Variants in FGF13 observed in about 807,000 individuals in gnomAD.
The protein encoded by FGF13 is fibroblast growth factor homologous factor 2.
FGF13 carries 2 observed loss-of-function variants against 19.5 expected under a neutral mutation model. The observed-to-expected ratio is 0.10, with a 90% CI of 0.04 to 0.32. The LOEUF (loss-of-function observed/expected upper bound fraction) is 0.32. Ranked by LOEUF, FGF13 falls within the 10% of genes least tolerant of loss-of-function variation. The pLI is 1.00. For synonymous variants in FGF13, 72 were observed against 76.9 expected (o/e 0.94, Z 0.33); for missense variants, 113 against 192.7 (o/e 0.59, Z 2.45).
intron 1 of FGF13, among the ~76,000 whole-genome samples, chrX:139,068,879 C>T (rs1167292904): frequency 4.5e-5 from 5 of 111,094 alleles, no homozygotes; most frequent in African/African-American, 1.6e-4. Flanking sequence ...TCATCACTGG[C>T]CATCAGAGAA....
intron 3 of FGF13, among the ~76,000 whole-genome samples, chrX:138,751,032 A>C (rs2090394329): frequency 9.0e-6 from 1 of 111,007 alleles, no homozygotes; most frequent in Admixed American, 9.6e-5. Flanking sequence ...GGAAGGAAGA[A>C]GGGCCTCCTG....
intron 1 of FGF13, among the ~76,000 whole-genome samples, chrX:138,911,209 C>T (rs376266801): frequency 2.7e-5 from 3 of 111,633 alleles, no homozygotes; most frequent in Admixed American, 9.5e-5. Context: ...TTTGCCTGAG[C>T]GCACCTCCAG....
At chrX:139,119,435 G>A (rs1287345981) in intron 1 of FGF13, among the ~76,000 whole-genome samples, 2 of 111,850 alleles carry the variant, frequency 1.8e-5, no homozygotes, top group Non-Finnish European at 3.8e-5. Flanking sequence ...TCCCAAGGAC[G>A]TGCTATCATC....
At chrX:139,057,948 T>C (rs1423118662) in intron 1 of FGF13, among the ~76,000 whole-genome samples, 1 of 111,971 alleles carries the variant, frequency 8.9e-6, no homozygotes, top group Non-Finnish European at 1.9e-5. Context: ...TTTCTTTATA[T>C]GGGTGCTGAT....
At chrX:138,817,347 T>C (rs1355333763) in intron 3 of FGF13, among the ~76,000 whole-genome samples, 1 of 111,732 alleles carries the variant, frequency 8.9e-6, no homozygotes, top group Non-Finnish European at 1.9e-5. Context: ...TTCCTATAGA[T>C]TGATGTCCTC....
At chrX:139,012,100 A>AAAAAT (rs2092131418) in intron 1 of FGF13, among the ~76,000 whole-genome samples, 1 of 111,615 alleles carries the variant, frequency 9.0e-6, no homozygotes, top group South Asian at 3.7e-4. Flanking sequence ...AATAGCTGAA[A>AAAAAT]AAAATAAAAT....
intron 1 of FGF13, among the ~76,000 whole-genome samples, chrX:139,174,751 C>CTT (rs1436794344): frequency 2.2e-4 from 25 of 111,944 alleles, no homozygotes; most frequent in Middle Eastern, 4.6e-3. Flanking sequence ...TTCCATTGGT[C>CTT]TATAACTCTG....
At chrX:138,852,815 G>A (rs191001451), downstream of FGF13, among the ~76,000 whole-genome samples, 5 of 111,319 alleles carry the variant, frequency 4.5e-5, no homozygotes, top group African/African-American at 1.3e-4. Flanking sequence ...ATCTGGCAAA[G>A]GTCTAATATC....
rs962332528 is a variant in FGF13, at chrX:138,934,746, G to A, written c.-112-70096C>T. On this transcript the variant is annotated intron_variant, in intron 1 of 2. Transcript: ENST00000421460. ...AGTCCATCATAAATCCTATTCAATT[G>A]ATCCTCATCCTCATACAAATGTACC... Among the ~76,000 whole-genome samples the A allele has an allele frequency of 2.9e-4, 33 of 111,978 alleles. No homozygotes were observed. The Admixed American group carries it at 3.1e-3, about 11-fold the overall frequency.
chrX:139,190,892 G>T (rs10127049), intron 1 of FGF13, among the ~76,000 whole-genome samples: 35,916 of 110,989 alleles, frequency 0.32, 4,318 homozygotes, highest in African/African-American at 0.4. Context: ...GCTTGGTTTT[G>T]ATTTCTTTCT....
chrX:138,640,174 C>T (rs1055127489), intron 3 of FGF13, among the ~76,000 whole-genome samples: 7 of 111,280 alleles, frequency 6.3e-5, no homozygotes, highest in African/African-American at 2.3e-4. Flanking sequence ...TGAAATATCA[C>T]TGACAAGAAT....
intron 1 of FGF13, among the ~76,000 whole-genome samples, chrX:139,002,357 C>A (rs1005793165): frequency 9.0e-6 from 1 of 111,151 alleles, no homozygotes; most frequent in Non-Finnish European, 1.9e-5. Context: ...AAAAGATGAA[C>A]ACAAAAGCTT....
chrX:139,108,434 A>G (rs1412436894), intron 1 of FGF13, among the ~76,000 whole-genome samples: 1 of 111,511 alleles, frequency 9.0e-6, no homozygotes, highest in Non-Finnish European at 1.9e-5. Flanking sequence ...AAAACGTAAG[A>G]GACTCAGCTA....
chrX:139,094,793 C>CTGCTATGTGACACA (rs2083459957), intron 1 of FGF13, among the ~76,000 whole-genome samples: 1 of 112,215 alleles, frequency 8.9e-6, no homozygotes, highest in Admixed American at 9.4e-5. Flanking sequence ...TTGACTCCCA[C>CTGCTATGTGACACA]TCTGCTATGT....
At chrX:139,027,311 C>T (rs759493772) in intron 1 of FGF13, among the ~76,000 whole-genome samples, 1 of 112,357 alleles carries the variant, frequency 8.9e-6, no homozygotes, top group African/African-American at 3.2e-5. Context: ...TAATGCATAA[C>T]CTTTTTTCCA....
intron 1 of FGF13, among the ~76,000 whole-genome samples, chrX:138,927,735 G>A (rs748347911): frequency 1.8e-5 from 2 of 111,724 alleles, no homozygotes; most frequent in East Asian, 2.8e-4. Flanking sequence ...ATGGAGAAGC[G>A]TTCCACCTAC....
intron 1 of FGF13, among the ~76,000 whole-genome samples, chrX:139,096,202 T>C (rs2083469001): frequency 1.8e-5 from 2 of 111,688 alleles, no homozygotes; most frequent in Admixed American, 9.5e-5. Context: ...AAGCAACTCA[T>C]TAAAATAAAA....
chrX:139,096,812 A>AT (rs768085575), intron 1 of FGF13, among the ~76,000 whole-genome samples: 1 of 112,094 alleles, frequency 8.9e-6, no homozygotes, highest in African/African-American at 3.2e-5. Context: ...TAGAAAAAAA[A>AT]TTTTTTAATT....
At chrX:138,915,175 T>C (rs2091611949) in intron 1 of FGF13, among the ~76,000 whole-genome samples, 2 of 111,454 alleles carry the variant, frequency 1.8e-5, no homozygotes, top group Admixed American at 9.6e-5. Context: ...CTCATTAATA[T>C]ACTTTATATT....
Sources: allele counts gnomAD v4.1 joint callset (sites outside exome capture counted in the v4.1 genomes callset), GRCh38; gene constraint gnomAD v4.1.1; transcripts MANE v1.5; gene names NCBI Gene and HGNC (gene_info 2026-07-23, HGNC 2026-07-21).